RTF2: variants seen among roughly 807,000 people sequenced by gnomAD.
The protein encoded by RTF2 is replication termination factor 2, also known as UPF0549 protein C20orf43.
A neutral mutation model predicts 38.0 loss-of-function variants in RTF2; 18 were observed. The observed-to-expected ratio is 0.47, with a 90% CI of 0.33 to 0.70. The LOEUF (loss-of-function observed/expected upper bound fraction) is 0.70. Among genes scored for constraint, RTF2 ranks in the 30% least tolerant of loss-of-function variants. RTF2 has a pLI of 0.02. For synonymous variants in RTF2, 126 were observed against 137.1 expected, an observed-to-expected ratio of 0.92 and a Z score of 0.57; for missense variants, 311 against 379.6, an observed-to-expected ratio of 0.82 and a Z score of 1.50.
intron 5 of RTF2, among the ~76,000 whole-genome samples, chr20:56,489,162 T>A (rs990143176): frequency 6.6e-6 from 1 of 152,002 alleles, no homozygotes; most frequent in Non-Finnish European, 1.5e-5. Flanking sequence ...TTCAAGTGAT[T>A]CTCCTGCCTT....
intron 5 of RTF2, chr20:56,495,068 A>G: frequency 3.0e-6 from 2 of 663,688 alleles, no homozygotes; most frequent in Non-Finnish European, 5.2e-6. Flanking sequence ...CTCAACCTAT[A>G]CTAATTGGAT....
At chr20:56,473,997 C>T (rs991574573) in intron 2 of RTF2, among the ~76,000 whole-genome samples, 8 of 152,258 alleles carry the variant, frequency 5.3e-5, no homozygotes, top group South Asian at 2.1e-4. Context: ...CTGTCCAAAG[C>T]GGGAGCTGCC....
At chr20:56,486,208 T>C (rs538271162) in intron 5 of RTF2, among the ~76,000 whole-genome samples, 1 of 152,264 alleles carries the variant, frequency 6.6e-6, no homozygotes, top group East Asian at 1.9e-4. Context: ...TGTAACACTC[T>C]CTTAACTGCC....
chr20:56,474,353 C>T (rs537789411), intron 2 of RTF2, among the ~76,000 whole-genome samples: 31 of 151,918 alleles, frequency 2.0e-4, no homozygotes, highest in Non-Finnish European at 4.1e-4. Flanking sequence ...TGGTGGCAGG[C>T]GCCTGTAATC....
intron 1 of RTF2, among the ~76,000 whole-genome samples, chr20:56,473,009 T>C (rs1278437387): frequency 6.6e-6 from 1 of 152,046 alleles, no homozygotes; most frequent in African/African-American, 2.4e-5. Context: ...TGTGCACCCA[T>C]AGTCCCAGCT....
In RTF2 at chr20:56,495,190, T is replaced by G. The variant is rs577915562; in HGVS notation, c.477+11001T>G. ...TGAAGCCTTTTTTGTTTTGTTTTGT[T>G]TTTCTTTTTACCTTTACATCCATCA... On this transcript the variant is annotated intron_variant, in intron 5 of 8. Coordinates refer to ENST00000357348, the MANE Select transcript of RTF2 (RefSeq NM_016407.5). 2.8e-5 allele frequency: 43 copies of G among 1,540,970 alleles called. No homozygotes were observed. The African/African-American group carries it at 5.1e-4, about 18-fold the overall frequency.
rs191115686 is a variant in RTF2, at chr20:56,505,507, T to G, written c.478-7808T>G. On this transcript the variant is annotated intron_variant, in intron 5 of 8. Transcript: ENST00000357348. ...CATCTCATAATAATAATAATAATAA[T>G]AATAATAATATTTGCCCTGTGGGTG... Among the ~76,000 whole-genome samples the G allele has an allele frequency of 2.0e-5, 3 of 149,622 alleles. No individual in the cohort carries two copies. In the Admixed American group the frequency reaches 2.0e-4, roughly 10 times the overall value.
chr20:56,514,133 G>A (rs1244102894), intron 6 of RTF2: 1 of 152,176 alleles, frequency 6.6e-6, no homozygotes, highest in Non-Finnish European at 1.5e-5. Flanking sequence ...ATGGAGCGTG[G>A]TGCTTCATGC....
chr20:56,488,536 G>T (rs545154094), intron 5 of RTF2, among the ~76,000 whole-genome samples: 2 of 152,300 alleles, frequency 1.3e-5, no homozygotes, highest in Non-Finnish European at 2.9e-5. Flanking sequence ...TTTCATGGAG[G>T]GGGTGGAGTA....
In RTF2 at chr20:56,513,303, T is replaced by G. The variant is rs1426269995; in HGVS notation, c.478-12T>G. 6.3e-7 allele frequency: 1 copy of G among 1,583,190 alleles called. No homozygotes were observed. The highest frequency in any genetic ancestry group is 1.8e-5 in the Admixed American group (1 of 54,312). ...GTGATGGAATCTGCCCTCTCTTGTTTGCCCTCTCCAGTGTGGGGCTGCCTT... is the reference window on the plus strand; with the variant it reads ...GTGATGGAATCTGCCCTCTCTTGTTGGCCCTCTCCAGTGTGGGGCTGCCTT... On this transcript the variant is annotated splice_polypyrimidine_tract_variant and intron_variant, in intron 5 of 8. Coordinates refer to ENST00000357348, the MANE Select transcript of RTF2 (RefSeq NM_016407.5).
chr20:56,481,183 C>T (rs1367757562), intron 4 of RTF2, among the ~76,000 whole-genome samples: 1 of 152,152 alleles, frequency 6.6e-6, no homozygotes. Flanking sequence ...TTATTACTTT[C>T]ATTCAGGAAA....
chr20:56,475,349 C>T (rs1982184703), intron 3 of RTF2, among the ~76,000 whole-genome samples: 1 of 152,156 alleles, frequency 6.6e-6, no homozygotes, highest in South Asian at 2.1e-4. Context: ...CTTGAGGCCC[C>T]ATGGCTAGCG....
rs894328307 is a variant in RTF2, at chr20:56,517,069, C to T, written c.647-37C>T. 6 of 1,610,598 alleles carry T rather than the reference C, an allele frequency of 3.7e-6. No individual in the cohort carries two copies. The Middle Eastern group carries it at 4.9e-4, about 132-fold the overall frequency. Reference sequence around the variant, plus strand: ...GCTAATATGTTCATGCTTTGTTTTGCATTGTTTTTGCTTTGCCTACTTTGT... The same window carrying T: ...GCTAATATGTTCATGCTTTGTTTTGTATTGTTTTTGCTTTGCCTACTTTGT... On this transcript the variant is annotated intron_variant, in intron 7 of 8. Coordinates refer to ENST00000357348, the MANE Select transcript of RTF2 (RefSeq NM_016407.5).
chr20:56,471,291 A>G (rs898940431), intron 1 of RTF2, among the ~76,000 whole-genome samples: 2 of 152,214 alleles, frequency 1.3e-5, no homozygotes, highest in Admixed American at 1.3e-4. Flanking sequence ...TTGTCTGGCC[A>G]GGCGCGGTGG....
At chr20:56,477,447 T>C (rs898850674) in intron 4 of RTF2, among the ~76,000 whole-genome samples, 1 of 152,256 alleles carries the variant, frequency 6.6e-6, no homozygotes, top group Non-Finnish European at 1.5e-5. Flanking sequence ...CATCTTTTCC[T>C]GTGGGACAGA....
chr20:56,506,996 G>A (rs975922851), intron 5 of RTF2, among the ~76,000 whole-genome samples: 7 of 152,036 alleles, frequency 4.6e-5, no homozygotes, highest in African/African-American at 1.5e-4. Flanking sequence ...CACCGCGCCT[G>A]GCCGTATTAT....
intron 5 of RTF2, among the ~76,000 whole-genome samples, chr20:56,488,375 C>T (rs1982904441): frequency 2.7e-5 from 4 of 149,748 alleles, no homozygotes; most frequent in Admixed American, 2.0e-4. Context: ...AAAAAAAGTG[C>T]CAATGTAGAG....
At chr20:56,498,662 GTTAA>G (rs1162594849) in intron 5 of RTF2, among the ~76,000 whole-genome samples, 19 of 152,306 alleles carry the variant, frequency 1.2e-4, no homozygotes, top group African/African-American at 4.3e-4. Context: ...AAAGGTTTCA[GTTAA>G]TTAATTATTA....
chr20:56,493,690 C>G (rs1983323576), intron 5 of RTF2, among the ~76,000 whole-genome samples: 1 of 149,202 alleles, frequency 6.7e-6, no homozygotes, highest in African/African-American at 2.5e-5. Flanking sequence ...AATATGAAGA[C>G]TATCAGTGGG....
Sources: allele counts gnomAD v4.1 joint callset (sites outside exome capture counted in the v4.1 genomes callset), GRCh38; gene constraint gnomAD v4.1.1; transcripts MANE v1.5; gene names NCBI Gene and HGNC (gene_info 2026-07-23, HGNC 2026-07-21).